The following MGA variants were observed in gnomAD, a reference collection of about 807,000 sequenced individuals.
MGA encodes MAX gene-associated protein.
In MGA, 40 loss-of-function variants were observed where a neutral mutation model predicts 261.1. The ratio of observed to expected loss-of-function variants is 0.15; its 90% CI spans 0.12 to 0.20. MGA has a LOEUF of 0.20. Ranked by LOEUF, MGA falls within the 10% of genes least tolerant of loss-of-function variation. The pLI, the probability that MGA is intolerant of heterozygous loss-of-function variation, is 1.00. For missense variants in MGA, 3,397 were observed against 3,630.5 expected, an observed-to-expected ratio of 0.94 and a Z score of 1.65; for synonymous variants, 1,302 against 1,290.6, an observed-to-expected ratio of 1.01 and a Z score of -0.19.
intron 17 of MGA, among the ~76,000 whole-genome samples, chr15:41,753,147 C>T (rs1489408744): frequency 1.3e-5 from 2 of 152,140 alleles, no homozygotes; most frequent in African/African-American, 4.8e-5. Flanking sequence ...CTGTAGCTCT[C>T]GCCTGTAATT....
At chr15:41,657,338 CCTTT>C (rs2057226341), upstream of MGA, among the ~76,000 whole-genome samples, 1 of 125,578 alleles carries the variant, frequency 8.0e-6, no homozygotes, top group African/African-American at 3.1e-5. Context: ...TAGTGAAGGC[CCTTT>C]TTTTTTTTTT....
chr15:41,756,978 T>TAG (rs1002111848), intron 18 of MGA, among the ~76,000 whole-genome samples: 62 of 56,034 alleles, frequency 1.1e-3, no homozygotes, highest in Admixed American at 8.6e-3. Context: ...TTTTTTTGTT[T>TAG]AGATATATAT....
chr15:41,700,465 A>T (rs1334919879), intron 5 of MGA, among the ~76,000 whole-genome samples: 1 of 151,902 alleles, frequency 6.6e-6, no homozygotes, highest in African/African-American at 2.4e-5. Context: ...CTCATTGTTC[A>T]TCTCCCACTT....
At chr15:41,629,854 T>C (rs2056550063) in intron 1 of MGA, among the ~76,000 whole-genome samples, 5 of 152,208 alleles carry the variant, frequency 3.3e-5, no homozygotes, top group Admixed American at 3.3e-4. Context: ...AATATATACT[T>C]AAATTTCTTT....
upstream of MGA, among the ~76,000 whole-genome samples, chr15:41,658,703 G>GT (rs146140163): frequency 3.5e-3 from 511 of 144,328 alleles, 1 homozygote; most frequent in Middle Eastern, 0.01. Context: ...AAAGTTCAGC[G>GT]TTTTTTTTTT....
rs751090970 is a variant in MGA, at chr15:41,762,188, C to G, written c.7570C>G (p.Leu2524Val). Residue 2524 changes from leucine (L) to valine (V), a missense_variant, in exon 22 of 24, where the codon CTA (leucine) becomes GTA (valine). Around this residue, in one of 9 missense-constraint regions of MGA, gnomAD observed 647 missense variants for 642.4 expected, o/e 1.01. Coordinates refer to ENST00000219905, the MANE Select transcript of MGA (RefSeq NM_001164273.2). ...GTATATTTATGCAAAACAGCAAGCACTAGAGGCACAAAAAAGAAAAAAGAA... is the reference window on the plus strand; with the variant it reads ...GTATATTTATGCAAAACAGCAAGCAGTAGAGGCACAAAAAAGAAAAAAGAA... The G allele has an allele frequency of 6.2e-7, 1 of 1,613,792 alleles. No homozygotes were observed. The highest frequency in any genetic ancestry group is 2.2e-5 in the East Asian group (1 of 44,862).
intron 1 of MGA, among the ~76,000 whole-genome samples, chr15:41,640,668 G>A (rs547144577): frequency 6.6e-5 from 10 of 151,982 alleles, no homozygotes; most frequent in Non-Finnish European, 1.5e-4. Flanking sequence ...ACAGGCATAC[G>A]CCACCACATC....
intron 2 of MGA, among the ~76,000 whole-genome samples, chr15:41,678,706 G>A (rs1024198374): frequency 1.6e-4 from 24 of 151,140 alleles, no homozygotes; most frequent in Middle Eastern, 3.4e-3. Flanking sequence ...GGCGGAGGTT[G>A]CAGTGAGCTG....
chr15:41,648,893 G>A (rs944783160), intron 1 of MGA, among the ~76,000 whole-genome samples: 1 of 152,166 alleles, frequency 6.6e-6, no homozygotes, highest in Non-Finnish European at 1.5e-5. Flanking sequence ...GATTACAGGA[G>A]AGAGCCAGAA....
intron 1 of MGA, among the ~76,000 whole-genome samples, chr15:41,667,960 C>T (rs888556422): frequency 6.6e-6 from 1 of 151,810 alleles, no homozygotes; most frequent in Non-Finnish European, 1.5e-5. Context: ...TGCACCACCA[C>T]ACCAGGCTAA....
Position 41,727,509 on chromosome 15 carries a change from T to A in MGA, c.3657+103T>A. 2 of 1,090,658 alleles carry A rather than the reference T, an allele frequency of 1.8e-6. 1 individual carries two copies. Among genetic ancestry groups the A allele is most frequent in the South Asian group, 3.0e-5 (2 of 66,020 alleles). The allele number at this position is 1,090,658 out of a possible 1,614,324, so 67.6% of individuals were successfully genotyped here. ...GTTGATATTTTGTGAATCATTTTGC[T>A]TTCAGTAATATGTTTATAAGATATC... On this transcript the variant is annotated intron_variant, in intron 10 of 23. Transcript: ENST00000219905.
upstream of MGA, among the ~76,000 whole-genome samples, chr15:41,658,774 T>A (rs1051311716): frequency 6.6e-6 from 1 of 150,978 alleles, no homozygotes; most frequent in African/African-American, 2.4e-5. Flanking sequence ...AGGGAAGGAG[T>A]ACCAAAAGAG....
At chr15:41,659,986 C>T (rs764997050), upstream of MGA, among the ~76,000 whole-genome samples, 2 of 152,196 alleles carry the variant, frequency 1.3e-5, no homozygotes, top group Non-Finnish European at 2.9e-5. Context: ...ATTCATTTGA[C>T]GGGCTTGTGG....
intron 1 of MGA, among the ~76,000 whole-genome samples, chr15:41,641,467 AATTTTTCT>A (rs2056817320): frequency 6.6e-6 from 1 of 150,546 alleles, no homozygotes; most frequent in South Asian, 2.1e-4. Context: ...TGAGAGTTCC[AATTTTTCT>A]ACATCCTAAC....
chr15:41,651,425 T>A (rs1312873835), intron 1 of MGA, among the ~76,000 whole-genome samples: 1 of 152,218 alleles, frequency 6.6e-6, no homozygotes, highest in East Asian at 1.9e-4. Context: ...AGCCACTGAT[T>A]GCAATGTCTT....
chr15:41,677,725 C>T (rs2058460587), intron 2 of MGA, among the ~76,000 whole-genome samples: 1 of 152,058 alleles, frequency 6.6e-6, no homozygotes, highest in Admixed American at 6.6e-5. Flanking sequence ...CATTTATTTA[C>T]CATTTGTATA....
intron 22 of MGA, among the ~76,000 whole-genome samples, chr15:41,763,108 T>G: frequency 7.2e-6 from 1 of 138,892 alleles, no homozygotes; most frequent in Non-Finnish European, 1.6e-5. Flanking sequence ...TTTTTTTTTT[T>G]TTTTTTTTTG....
chr15:41,655,415 C>T (rs891554548), upstream of MGA, among the ~76,000 whole-genome samples: 18 of 152,148 alleles, frequency 1.2e-4, no homozygotes, highest in Admixed American at 1.0e-3. Context: ...TCAAGTGATC[C>T]GTCCACCTTG....
intron 9 of MGA, among the ~76,000 whole-genome samples, chr15:41,724,134 TTTTG>T (rs1292886067): frequency 6.6e-6 from 1 of 152,190 alleles, no homozygotes; most frequent in Non-Finnish European, 1.5e-5. Flanking sequence ...CTAAAGGTGC[TTTTG>T]TTTTTGTCTT....
Sources: allele counts gnomAD v4.1 joint callset (sites outside exome capture counted in the v4.1 genomes callset), GRCh38; gene constraint gnomAD v4.1.1; regional missense constraint gnomAD v4.1.1; transcripts MANE v1.5; gene names NCBI Gene and HGNC (gene_info 2026-07-23, HGNC 2026-07-21).